Variants in RPTOR observed in about 807,000 individuals in gnomAD.
RPTOR encodes the protein regulatory associated protein of MTOR complex 1, also known as regulatory-associated protein of mTOR.
A neutral mutation model predicts 169.9 loss-of-function variants in RPTOR; 21 were observed. That is an observed-to-expected ratio of 0.12 (90% CI 0.09 to 0.18). The LOEUF (loss-of-function observed/expected upper bound fraction) is 0.18, where lower values mean the gene tolerates loss of function less well. Among genes scored for constraint, RPTOR ranks in the 10% least tolerant of loss-of-function variants. The probability of loss-of-function intolerance (pLI) is 1.00; values close to 1 mark genes in which losing one functional copy is unlikely to be tolerated. For missense variants in RPTOR, 1,133 were observed against 1,855.9 expected, an observed-to-expected ratio of 0.61 and a Z score of 7.16; for synonymous variants, 732 against 753.2, an observed-to-expected ratio of 0.97 and a Z score of 0.46.
chr17:80,768,439 C>T (rs2066809677), intron 6 of RPTOR, among the ~76,000 whole-genome samples: 1 of 152,170 alleles, frequency 6.6e-6, no homozygotes, highest in African/African-American at 2.4e-5. Flanking sequence ...AAGGAGCATT[C>T]AGAAAAGAAT....
At chr17:80,634,183 G>A (rs571094728) in intron 2 of RPTOR, among the ~76,000 whole-genome samples, 7 of 123,324 alleles carry the variant, frequency 5.7e-5, no homozygotes, top group Admixed American at 1.6e-4. Flanking sequence ...GTGTGTGTGC[G>A]CATACTGTGT....
In RPTOR at chr17:80,843,319, G is replaced by A. The variant is rs182929793; in HGVS notation, c.1213-3154G>A. On this transcript the variant is annotated intron_variant, in intron 10 of 33. Transcript: ENST00000306801. ...CCCTATAAAAATTGAGGTTTTCAGA[G>A]GCTGAGGCAGGAGAATTTCTTGAAC... Among the ~76,000 whole-genome samples, 22 of 152,266 alleles carry A rather than the reference G, an allele frequency of 1.4e-4. No homozygotes were observed. In the East Asian group the frequency reaches 4.0e-3, roughly 28 times the overall value.
chr17:80,857,022 G>A (rs896702305), intron 12 of RPTOR, among the ~76,000 whole-genome samples: 2 of 152,174 alleles, frequency 1.3e-5, no homozygotes, highest in South Asian at 4.1e-4. Flanking sequence ...CTTGGTTACA[G>A]GGGACCTCAC....
chr17:80,843,645 G>A (rs1057492857), intron 10 of RPTOR, among the ~76,000 whole-genome samples: 14 of 152,092 alleles, frequency 9.2e-5, no homozygotes. Flanking sequence ...CCTTGGCAGT[G>A]AACTTTAAGT....
At position 80,962,556 on chromosome 17, in the gene RPTOR, C is replaced by T; in HGVS notation, c.3788C>T (p.Pro1263Leu). 1 of 1,613,602 alleles carries T rather than the reference C, an allele frequency of 6.2e-7. No homozygotes were observed. Among genetic ancestry groups the T allele is most frequent in the Non-Finnish European group, 8.5e-7 (1 of 1,179,832 alleles). ...GGGCTGACGGCCCTGGACATCCACC[C>T]CCAGGCGGACCTGATCGCATGGTAG... ...VKGLTALDIHPQADLIACGSV... is the reference protein window; with the variant it reads ...VKGLTALDIHLQADLIACGSV... The change falls in exon 32 of 34, where the codon CCC becomes CTC. Residue 1263 changes from proline (P) to leucine (L), a missense_variant. Physicochemically the swap from Pro to Leu is moderately conservative, Grantham distance 98 (BLOSUM62 -3). Around this residue, in one of 9 missense-constraint regions of RPTOR, gnomAD observed 410 missense variants for 623.7 expected, o/e 0.66. Coordinates refer to ENST00000306801, the MANE Select transcript of RPTOR (RefSeq NM_020761.3).
intron 11 of RPTOR, among the ~76,000 whole-genome samples, chr17:80,852,908 C>T (rs1042944369): frequency 1.3e-5 from 2 of 152,062 alleles, no homozygotes; most frequent in East Asian, 1.9e-4. Flanking sequence ...CTGGCCTCCT[C>T]GTCCCTTTCC....
chr17:80,940,746 C>T (rs973258018), intron 25 of RPTOR, 145 bp downstream of exon 25: 3 of 612,474 alleles, frequency 4.9e-6, no homozygotes, highest in East Asian at 5.7e-5. Flanking sequence ...CCGCACCCCA[C>T]CTCCCTTGCA....
Position 80,754,213 on chromosome 17 carries a change from A to G in RPTOR, c.830+28A>G. 6.4e-7 allele frequency: 1 copy of G among 1,563,836 alleles called. No homozygotes were observed. Among genetic ancestry groups the G allele is most frequent in the Non-Finnish European group, 8.7e-7 (1 of 1,150,766 alleles). The stretch of plus-strand genomic sequence containing the variant: ...GAGTGGCCCCTGCTGTGCCCCTGGG[A>G]CCCACTCAACTGGGCTCTCCCGCAG... On this transcript the variant is annotated intron_variant, in intron 6 of 33. Transcript: ENST00000306801. This position sits in a 1 kb window ranked among gnomAD's most constrained non-coding sequence, Gnocchi z 4.2.
intron 2 of RPTOR, among the ~76,000 whole-genome samples, chr17:80,631,570 T>G (rs2065442766): frequency 6.6e-6 from 1 of 152,166 alleles, no homozygotes; most frequent in African/African-American, 2.4e-5. Context: ...CGGTCTCAGC[T>G]CCCTTATGAG....
At chr17:80,711,383 C>T (rs2066188879) in intron 4 of RPTOR, among the ~76,000 whole-genome samples, 1 of 152,134 alleles carries the variant, frequency 6.6e-6, no homozygotes, top group South Asian at 2.1e-4. Context: ...TTTCTTGTCC[C>T]CTGAACCATT....
At chr17:80,853,007 C>A (rs548591446) in intron 11 of RPTOR, among the ~76,000 whole-genome samples, 2 of 152,224 alleles carry the variant, frequency 1.3e-5, no homozygotes, top group Admixed American at 1.3e-4. Flanking sequence ...CAGCCTCTGG[C>A]CAGTGCTGCA....
chr17:80,965,645 G>T lies in RPTOR; in HGVS notation c.*1315G>T. 1 of 233,288 alleles carries T rather than the reference G, an allele frequency of 4.3e-6. No homozygotes were observed. The highest frequency in any genetic ancestry group is 8.5e-6 in the Non-Finnish European group (1 of 118,072). The allele number at this position is 233,288 out of a possible 1,614,324, so 14.5% of individuals were successfully genotyped here. A position where few individuals can be genotyped will look rare whatever the true frequency, so the allele number is the denominator to read the frequency against. Reference sequence around the variant, plus strand: ...CGGGAGTGAGAGCTGGTGTGGCGAGGCCCGGCTCTCCTGCGGTGTGGCTGG... The same window carrying T: ...CGGGAGTGAGAGCTGGTGTGGCGAGTCCCGGCTCTCCTGCGGTGTGGCTGG... On this transcript the variant is annotated 3_prime_UTR_variant, in exon 34 of 34. Coordinates refer to ENST00000306801, the MANE Select transcript of RPTOR (RefSeq NM_020761.3).
intron 6 of RPTOR, among the ~76,000 whole-genome samples, chr17:80,766,681 T>G (rs935436335): frequency 6.6e-6 from 1 of 152,236 alleles, no homozygotes; most frequent in Non-Finnish European, 1.5e-5. Context: ...CTGCTGTTTG[T>G]AAGCTCACTG....
intron 7 of RPTOR, among the ~76,000 whole-genome samples, chr17:80,793,722 T>G (rs2067073118): frequency 6.6e-6 from 1 of 152,246 alleles, no homozygotes; most frequent in African/African-American, 2.4e-5. Context: ...TTGAGCCACA[T>G]GAGCTCAGAC....
Position 80,562,234 on chromosome 17 carries a change from T to G in RPTOR, c.162+16443T>G, listed in dbSNP as rs1568305156. Among the ~76,000 whole-genome samples the G allele has an allele frequency of 1.3e-5, 2 of 152,188 alleles. No homozygotes were observed. The highest frequency in any genetic ancestry group is 4.1e-4 in the South Asian group (2 of 4,830). On this transcript the variant is annotated intron_variant, in intron 1 of 33. Coordinates refer to ENST00000306801, the MANE Select transcript of RPTOR (RefSeq NM_020761.3). The surrounding 1 kb of genome is among the most constrained non-coding windows in gnomAD (Gnocchi z 4.4). ...CTGGATGTAGGAGAGAAAAACAAGA[T>G]ACACCAGGCATTTGGAAAGCCAAAG...
chr17:80,587,380 G>C (rs2065070229), intron 1 of RPTOR, among the ~76,000 whole-genome samples: 1 of 152,204 alleles, frequency 6.6e-6, no homozygotes, highest in African/African-American at 2.4e-5. Context: ...TGCTGTTGTC[G>C]TGAGCCATTG....
chr17:80,744,511 T>C (rs367616274), intron 5 of RPTOR, among the ~76,000 whole-genome samples: 289 of 10,198 alleles, frequency 0.028, 23 homozygotes, highest in East Asian at 0.15. Context: ...ACTGTCCTGG[T>C]TACGAGCACA....
intron 1 of RPTOR, among the ~76,000 whole-genome samples, chr17:80,554,234 C>T (rs1461197126): frequency 2.6e-5 from 4 of 151,626 alleles, no homozygotes; most frequent in African/African-American, 9.7e-5. Context: ...CACTATGTTG[C>T]CTATAGTGAG....
At chr17:80,915,067 C>T (rs1483662866) in intron 21 of RPTOR, among the ~76,000 whole-genome samples, 1 of 152,250 alleles carries the variant, frequency 6.6e-6, no homozygotes, top group Non-Finnish European at 1.5e-5. Flanking sequence ...AAAGGAGCTA[C>T]CCATGCCGGG....
Sources: gnomAD v4.1 joint callset for allele counts (sites outside exome capture counted in the v4.1 genomes callset) on GRCh38, gnomAD v4.1.1 for gene constraint, gnomAD v4.1.1 regional missense constraint, Gnocchi (gnomAD v3.1) non-coding constraint, MANE v1.5 for transcripts, NCBI Gene and HGNC (gene_info 2026-07-23, HGNC 2026-07-21) for gene names.